The following SEZ6L variants were observed in gnomAD, a reference collection of about 807,000 sequenced individuals.
SEZ6L encodes the protein seizure 6-like protein.
Under a neutral mutation model 106.2 loss-of-function variants are expected in SEZ6L, and 37 were observed. The observed-to-expected ratio is 0.35, with a 90% CI of 0.27 to 0.46. The LOEUF (loss-of-function observed/expected upper bound fraction) is 0.46, where lower values mean the gene tolerates loss of function less well. Ranked by LOEUF, SEZ6L falls within the 20% of genes least tolerant of loss-of-function variation. SEZ6L has a pLI of 1.00. For synonymous variants in SEZ6L, 541 were observed against 570.4 expected (o/e 0.95, Z 0.73); for missense variants, 1,172 against 1,332.8 (o/e 0.88, Z 1.88).
At chr22:26,179,967 T>C (rs1939280453) in intron 1 of SEZ6L, among the ~76,000 whole-genome samples, 1 of 152,254 alleles carries the variant, frequency 6.6e-6, no homozygotes, top group East Asian at 1.9e-4. Flanking sequence ...TCCTCAGTCC[T>C]ACTAGCGACG....
At chr22:26,285,102 G>A (rs1317471676) in intron 1 of SEZ6L, among the ~76,000 whole-genome samples, 2 of 152,118 alleles carry the variant, frequency 1.3e-5, no homozygotes, top group Non-Finnish European at 2.9e-5. Flanking sequence ...CTGCCCCCAA[G>A]GCCACCACCA....
At chr22:26,217,605 G>A (rs1023794705) in intron 1 of SEZ6L, among the ~76,000 whole-genome samples, 10 of 152,184 alleles carry the variant, frequency 6.6e-5, no homozygotes, top group Admixed American at 2.0e-4. Context: ...GTAATGTTAA[G>A]TCTCTGCCCA....
At chr22:26,234,342 G>GTA (rs1450271663) in intron 1 of SEZ6L, among the ~76,000 whole-genome samples, 1 of 152,194 alleles carries the variant, frequency 6.6e-6, no homozygotes, top group African/African-American at 2.4e-5. Context: ...AAATAATGGG[G>GTA]CCAGCAGAGA....
chr22:26,170,380 AG>A (rs1569350359), intron 1 of SEZ6L, among the ~76,000 whole-genome samples: 2 of 152,042 alleles, frequency 1.3e-5, no homozygotes, highest in Non-Finnish European at 2.9e-5. Context: ...AGAACTTGGT[AG>A]GGGAGGGAGA....
chr22:26,305,964 C>A lies in SEZ6L; in HGVS notation c.1349-15C>A. On this transcript the variant is annotated splice_polypyrimidine_tract_variant and intron_variant, in intron 5 of 16. Transcript: ENST00000248933. The stretch of plus-strand genomic sequence containing the variant: ...CTGCTCTCTCCCATTGCCCACCCAC[C>A]CCTTTCTGGATCAGCTCCTTGTGGA... 1 of 1,605,516 alleles carries A rather than the reference C, an allele frequency of 6.2e-7. No individual in the cohort carries two copies. The highest frequency in any genetic ancestry group is 8.5e-7 in the Non-Finnish European group (1 of 1,174,816).
At chr22:26,251,230 G>C (rs1226622051) in intron 1 of SEZ6L, among the ~76,000 whole-genome samples, 1 of 152,110 alleles carries the variant, frequency 6.6e-6, no homozygotes, top group Non-Finnish European at 1.5e-5. Flanking sequence ...AGTTCTTAAA[G>C]GAAAAGCTTT....
At chr22:26,253,271 A>G (rs1602171949) in intron 1 of SEZ6L, among the ~76,000 whole-genome samples, 1 of 152,192 alleles carries the variant, frequency 6.6e-6, no homozygotes, top group African/African-American at 2.4e-5. Flanking sequence ...GAAGGGCATC[A>G]CCAGCATAGT....
chr22:26,348,646 A>AAGAAAAAGAAAGAAAG (rs1556371589), intron 11 of SEZ6L, among the ~76,000 whole-genome samples: 9 of 7,688 alleles, frequency 1.2e-3, no homozygotes, highest in East Asian at 0.01. Context: ...GAAAGAAAGA[A>AAGAAAAAGAAAGAAAG]AAAGAAAGAA....
At chr22:26,256,834 G>C (rs2079838311) in intron 1 of SEZ6L, among the ~76,000 whole-genome samples, 1 of 152,224 alleles carries the variant, frequency 6.6e-6, no homozygotes, top group African/African-American at 2.4e-5. Flanking sequence ...GCTCACTCAA[G>C]CCTGACATCT....
At position 26,347,843 on chromosome 22, in the gene SEZ6L, C is replaced by T. The variant is rs141377957; in HGVS notation, c.2337C>T (p.Ile779=). The change falls in exon 11 of 17, where the codon ATC becomes ATT. Residue 779 remains isoleucine (I), a synonymous_variant. Transcript: ENST00000248933. ...ITYQCDPGYD[I]VGSDTLTCQW... ...ACCAGTGTGACCCCGGCTATGACAT[C>T]GTGGGGAGTGACACCCTCACCTGCC... 2.4e-5 allele frequency: 38 copies of T among 1,601,898 alleles called. No individual in the cohort carries two copies. Among genetic ancestry groups the T allele is most frequent in the Admixed American group, 1.4e-4 (8 of 57,030 alleles).
At chr22:26,230,168 T>C (rs1302821588) in intron 1 of SEZ6L, among the ~76,000 whole-genome samples, 1 of 152,062 alleles carries the variant, frequency 6.6e-6, no homozygotes, top group Non-Finnish European at 1.5e-5. Context: ...TAAGGGTGAC[T>C]GAGACAAGCA....
intron 1 of SEZ6L, among the ~76,000 whole-genome samples, chr22:26,263,699 A>G (rs746373923): frequency 2.0e-4 from 30 of 152,324 alleles, no homozygotes; most frequent in Middle Eastern, 3.4e-3. Context: ...TGATCTTCCC[A>G]AAGCTGGTCC....
chr22:26,184,579 T>G (rs2123784125), intron 1 of SEZ6L, among the ~76,000 whole-genome samples: 1 of 152,348 alleles, frequency 6.6e-6, no homozygotes, highest in Non-Finnish European at 1.5e-5. Context: ...AAACTAATAG[T>G]GCCAGCCCTC....
intron 1 of SEZ6L, among the ~76,000 whole-genome samples, chr22:26,206,507 C>G (rs1221983081): frequency 2.0e-5 from 3 of 152,140 alleles, no homozygotes; most frequent in African/African-American, 7.2e-5. Flanking sequence ...AAACTAAAAC[C>G]CAGAAAGGTA....
intron 12 of SEZ6L, among the ~76,000 whole-genome samples, chr22:26,363,335 C>T (rs1601618699): frequency 1.3e-5 from 2 of 152,204 alleles, no homozygotes; most frequent in African/African-American, 4.8e-5. Context: ...GTGCCTTGAA[C>T]CACAAGTGCC....
intron 9 of SEZ6L, among the ~76,000 whole-genome samples, chr22:26,332,951 G>A (rs2082534015): frequency 6.6e-6 from 1 of 152,194 alleles, no homozygotes; most frequent in African/African-American, 2.4e-5. Flanking sequence ...TCTGTATAAT[G>A]GAGCAAGTCT....
chr22:26,372,907 A>T (rs959320219), intron 13 of SEZ6L, among the ~76,000 whole-genome samples: 1 of 152,212 alleles, frequency 6.6e-6, no homozygotes, highest in Admixed American at 6.5e-5. Flanking sequence ...TGGATTTTGT[A>T]TGAAGGTCTG....
chr22:26,285,807 T>C (rs2080916945), intron 1 of SEZ6L, among the ~76,000 whole-genome samples: 1 of 152,360 alleles, frequency 6.6e-6, no homozygotes, highest in Admixed American at 6.5e-5. Flanking sequence ...TAATTTTGTG[T>C]GATGTGCTCT....
intron 1 of SEZ6L, among the ~76,000 whole-genome samples, chr22:26,236,509 T>C (rs554066844): frequency 2.6e-5 from 4 of 152,302 alleles, no homozygotes; most frequent in South Asian, 4.1e-4. Flanking sequence ...AAACAGGAGA[T>C]AGTCAAACTT....
Sources: gnomAD v4.1 joint callset for allele counts (sites outside exome capture counted in the v4.1 genomes callset) on GRCh38, gnomAD v4.1.1 for gene constraint, MANE v1.5 for transcripts, NCBI Gene and HGNC (gene_info 2026-07-23, HGNC 2026-07-21) for gene names.